The following ACSF3 variants were observed in gnomAD, a reference collection of about 807,000 sequenced individuals.
ACSF3 encodes the protein malonate--CoA ligase ACSF3, mitochondrial.
In ACSF3, 78 loss-of-function variants were observed where a neutral mutation model predicts 53.2. That is an observed-to-expected ratio of 1.47 (90% CI 1.22 to 1.77). The LOEUF (loss-of-function observed/expected upper bound fraction) is 1.77. Among genes scored for constraint, ACSF3 ranks in the 40% most tolerant of loss-of-function variants. The pLI, the probability that ACSF3 is intolerant of heterozygous loss-of-function variation, is 0.00. For synonymous variants in ACSF3, 414 were observed against 333.1 expected (o/e 1.24, Z -2.65); for missense variants, 937 against 771.1 (o/e 1.22, Z -2.55).
chr16:89,102,252 C>T (rs968895663), intron 3 of ACSF3: 7 of 375,918 alleles, frequency 1.9e-5, no homozygotes, highest in East Asian at 1.3e-4. Context: ...GGCTGGGAGT[C>T]GATTCCAGCC....
Position 89,155,059 on chromosome 16 carries a change from G to A in ACSF3, c.*852G>A, listed in dbSNP as rs763438711. 14 of 453,990 alleles carry A rather than the reference G, an allele frequency of 3.1e-5. No homozygotes were observed. Among genetic ancestry groups the A allele is most frequent in the Admixed American group, 4.7e-5 (2 of 42,550 alleles). The allele number at this position is 453,990 out of a possible 1,614,324, so 28.1% of individuals were successfully genotyped here. A position where few individuals can be genotyped will look rare whatever the true frequency, so the allele number is the denominator to read the frequency against. ...AGACCCAGCTCCGGAGCCCACAGGC[G>A]TGGCCGATGCAGAAACCTCAGGAAG... On this transcript the variant is annotated 3_prime_UTR_variant, in exon 11 of 11. Coordinates refer to ENST00000614302, the MANE Select transcript of ACSF3 (RefSeq NM_001243279.3).
chr16:89,126,681 T>G (rs1007135503), intron 7 of ACSF3, among the ~76,000 whole-genome samples: 22 of 152,242 alleles, frequency 1.4e-4, no homozygotes, highest in African/African-American at 4.6e-4. Context: ...CTAAATTAAC[T>G]TACTAGTTTT....
Position 89,120,854 on chromosome 16 carries a change from C to A in ACSF3, c.1180C>A (p.Pro394Thr). The change falls in exon 7 of 11, where the codon CCA becomes ACA. Residue 394 changes from proline (P) to threonine (T), a missense_variant. By Grantham distance (38) the Pro-to-Thr change is conservative. Coordinates refer to ENST00000614302, the MANE Select transcript of ACSF3 (RefSeq NM_001243279.3). ...ACAGGTGCGCATTGTCTCAGAAAAC[C>A]CACAGAGGGAAGCCTGCTCCTACAC... is the stretch of plus-strand genomic sequence containing the variant. The part of the protein sequence containing the change: ...GVQVRIVSEN[P>T]QREACSYTIH... 1.2e-6 allele frequency: 2 copies of A among 1,614,106 alleles called. No individual in the cohort carries two copies. The highest frequency in any genetic ancestry group is 1.1e-5 in the South Asian group (1 of 91,090).
intron 7 of ACSF3, among the ~76,000 whole-genome samples, chr16:89,124,017 G>A (rs914969347): frequency 5.4e-5 from 4 of 73,596 alleles, no homozygotes; most frequent in African/African-American, 8.1e-5. Flanking sequence ...GGTATCACAC[G>A]CACGCAGTGT....
In ACSF3 at chr16:89,146,050, G is replaced by A. The variant is rs770400253; in HGVS notation, c.1613+1G>A. ...ACAGGGAGCTCAAAGAGTGGGCCAG[G>A]TAGGGCTGGGTGGGGCGGGCAGGGA... On this transcript the variant is annotated splice_donor_variant, in intron 10 of 10. Coordinates refer to ENST00000614302, the MANE Select transcript of ACSF3 (RefSeq NM_001243279.3). LOFTEE classifies it high-confidence loss of function. 28 of 600,972 alleles carry A rather than the reference G, an allele frequency of 4.7e-5. No individual in the cohort carries two copies. The highest frequency in any genetic ancestry group is 8.6e-5 in the Non-Finnish European group (28 of 324,628). The allele number at this position is 600,972 out of a possible 1,614,324, so 37.2% of individuals were successfully genotyped here. A position where few individuals can be genotyped will look rare whatever the true frequency, so the allele number is the denominator to read the frequency against.
chr16:89,136,022 G>T (rs532696835), intron 8 of ACSF3, among the ~76,000 whole-genome samples: 3 of 152,244 alleles, frequency 2.0e-5, no homozygotes, highest in African/African-American at 7.2e-5. Context: ...TGATCCGCCC[G>T]CCTCGGCCTC....
chr16:89,155,529 G>A lies in ACSF3; in HGVS notation c.*1322G>A. ...GGTGGGTGCCCCAGTCCACGGCCCT[G>A]CCCCACCCGAACTCCTGCCTCACGG... On this transcript the variant is annotated 3_prime_UTR_variant, in exon 11 of 11. Transcript: ENST00000614302. The A allele has an allele frequency of 6.6e-6, 3 of 454,090 alleles. 1 individual carries two copies. 28.1% of individuals were successfully genotyped at this position (454,090 alleles called of 1,614,324 possible). A position where few individuals can be genotyped will look rare whatever the true frequency, so the allele number is the denominator to read the frequency against.
intron 8 of ACSF3, among the ~76,000 whole-genome samples, chr16:89,138,967 G>T (rs950329712): frequency 1.3e-5 from 2 of 152,212 alleles, no homozygotes; most frequent in South Asian, 2.1e-4. Flanking sequence ...CCCCAGACTC[G>T]CCGGCTGCTG....
chr16:89,118,622 G>C (rs367656988), intron 6 of ACSF3, among the ~76,000 whole-genome samples: 2 of 152,194 alleles, frequency 1.3e-5, no homozygotes, highest in South Asian at 2.1e-4. Context: ...GGCCTGCTCC[G>C]TGCGGTTCCT....
chr16:89,104,782 GAA>G (rs1975767264), intron 4 of ACSF3, among the ~76,000 whole-genome samples: 1 of 152,214 alleles, frequency 6.6e-6, no homozygotes, highest in Admixed American at 6.5e-5. Flanking sequence ...CACAAACTTG[GAA>G]AAGAGAAGGG....
chr16:89,128,425 TA>T (rs1197353544), intron 7 of ACSF3, among the ~76,000 whole-genome samples: 4 of 151,818 alleles, frequency 2.6e-5, no homozygotes, highest in Admixed American at 2.0e-4. Context: ...CACGCCCAGC[TA>T]ATTTTTTGTA....
chr16:89,136,884 G>T, intron 8 of ACSF3: 1 of 1,250,396 alleles, frequency 8.0e-7, no homozygotes, highest in South Asian at 1.3e-5. Context: ...TCTGTCTCAG[G>T]TAACTCCTCT....
At chr16:89,153,851 A>G (rs1859256962) in intron 10 of ACSF3, 3 of 570,566 alleles carry the variant, frequency 5.3e-6, no homozygotes, top group Admixed American at 5.9e-5. Context: ...TGCACGCACC[A>G]TGGCTTCTGT....
chr16:89,145,810 G>A, intron 9 of ACSF3, 128 bp from the exon 10 acceptor site: 1 of 850,732 alleles, frequency 1.2e-6, no homozygotes, highest in Non-Finnish European at 2.0e-6. Context: ...TGATTGGAGT[G>A]GGGCCTGTCC....
At chr16:89,096,003 G>A (rs920725490) in intron 1 of ACSF3, among the ~76,000 whole-genome samples, 2 of 152,196 alleles carry the variant, frequency 1.3e-5, no homozygotes, top group Non-Finnish European at 2.9e-5. Flanking sequence ...AGAAGCCCCA[G>A]TGCCTTAGTG....
chr16:89,136,544 G>A, intron 8 of ACSF3: 9 of 1,271,890 alleles, frequency 7.1e-6, no homozygotes, highest in Non-Finnish European at 9.2e-6. Flanking sequence ...CCCTTTCCCT[G>A]GCCAGCCCCT....
At chr16:89,150,932 A>G (rs906704171) in intron 10 of ACSF3, 10 of 1,218,166 alleles carry the variant, frequency 8.2e-6, no homozygotes, top group Admixed American at 2.5e-5. Context: ...GATTAATCCA[A>G]ATGTTCCAAC....
chr16:89,151,068 C>G (rs751341402), intron 10 of ACSF3: 1 of 1,288,070 alleles, frequency 7.8e-7, no homozygotes, highest in South Asian at 1.2e-5. Context: ...AAACAGCATT[C>G]TAAATATCGG....
intron 8 of ACSF3, among the ~76,000 whole-genome samples, chr16:89,142,617 A>G (rs1007994382): frequency 2.0e-5 from 3 of 147,396 alleles, no homozygotes; most frequent in Non-Finnish European, 4.5e-5. Flanking sequence ...ACACACCCAC[A>G]CCTGCAGACA....
Sources: gnomAD v4.1 joint callset for allele counts (sites outside exome capture counted in the v4.1 genomes callset) on GRCh38, gnomAD v4.1.1 for gene constraint, MANE v1.5 for transcripts, NCBI Gene and HGNC (gene_info 2026-07-23, HGNC 2026-07-21) for gene names.